The following F13A1 variants were observed in gnomAD, a reference collection of about 807,000 sequenced individuals.
F13A1 encodes the protein coagulation factor XIII A chain.
In F13A1, 47 loss-of-function variants were observed where a neutral mutation model predicts 80.1. The ratio of observed to expected loss-of-function variants is 0.59; its 90% CI spans 0.46 to 0.75. The LOEUF is 0.75. F13A1 is among the 30% of genes least tolerant of loss of function. F13A1 has a pLI of 0.00. For synonymous variants in F13A1, 349 were observed against 344.9 expected (o/e 1.01, Z -0.13); for missense variants, 817 against 930.4 (o/e 0.88, Z 1.59).
At chr6:6,257,420 C>T (rs75030561) in intron 4 of F13A1, among the ~76,000 whole-genome samples, 1,633 of 152,178 alleles carry the variant, frequency 0.011, 27 homozygotes, top group African/African-American at 0.037. Context: ...ACTCCAGAGA[C>T]GTTGCTTGCC....
intron 3 of F13A1, among the ~76,000 whole-genome samples, chr6:6,291,282 C>T (rs1426846472): frequency 2.0e-5 from 3 of 152,062 alleles, no homozygotes; most frequent in African/African-American, 7.2e-5. Flanking sequence ...CTCCTCCAGT[C>T]CCTCCTGAAT....
chr6:6,180,206 C>G (rs966637880), intron 11 of F13A1, among the ~76,000 whole-genome samples: 1 of 152,226 alleles, frequency 6.6e-6, no homozygotes, highest in African/African-American at 2.4e-5. Context: ...CCAGCTTCAT[C>G]TGCCAATTCT....
In F13A1 at chr6:6,294,713, CT is replaced by C. The variant is rs373278722; in HGVS notation, c.319+10637del. On this transcript the variant is annotated intron_variant, in intron 3 of 14. Coordinates refer to ENST00000264870, the MANE Select transcript of F13A1 (RefSeq NM_000129.4). Reference sequence around the variant, plus strand: ...TCTTAAAGATGTACTGGTAGAGATTCTTTTTTTTTTAGTCTTTTTTTAAAAA... The same window carrying C: ...TCTTAAAGATGTACTGGTAGAGATTCTTTTTTTTTAGTCTTTTTTTAAAAA... 4.4e-4 allele frequency among the ~76,000 whole-genome samples: 54 copies of C among 123,670 alleles called. 1 individual carries two copies. The East Asian group carries it at 6.6e-3, about 15-fold the overall frequency. The allele number at this position is 123,670 out of a possible 152,430, so 81.1% of individuals were successfully genotyped here. A position where few individuals can be genotyped will look rare whatever the true frequency, so the allele number is the denominator to read the frequency against.
chr6:6,256,643 G>C (rs12528043), intron 4 of F13A1, among the ~76,000 whole-genome samples: 12,881 of 152,120 alleles, frequency 0.085, 656 homozygotes, highest in Non-Finnish European at 0.11. Flanking sequence ...AGAAAATTTG[G>C]GGTGGATTTC....
intron 10 of F13A1, among the ~76,000 whole-genome samples, chr6:6,184,065 T>C (rs1015005354): frequency 2.0e-5 from 3 of 152,250 alleles, no homozygotes; most frequent in African/African-American, 7.2e-5. Context: ...TGAGTGCACA[T>C]GAAGTCGGAT....
rs964021137 is a variant in F13A1, at chr6:6,182,376, C to G, written c.1306-235G>C. ...ATTTGAGGCTGAGATAATAAACTGT[C>G]TAAGAAGCAACCATTTTTCTCCCTC... On this transcript the variant is annotated intron_variant, in intron 10 of 14. Transcript: ENST00000264870. 2.6e-5 allele frequency among the ~76,000 whole-genome samples: 4 copies of G among 152,294 alleles called. 1 individual carries two copies. The highest frequency in any genetic ancestry group is 2.6e-4 in the Admixed American group (4 of 15,308).
rs1394875471 is a variant in F13A1 at position 6,289,541 on chromosome 6, TGCA to T, written c.319+15807_319+15809del. Among the ~76,000 whole-genome samples the T allele has an allele frequency of 2.0e-5, 3 of 152,176 alleles. No homozygotes were observed. The East Asian group carries it at 5.8e-4, about 29-fold the overall frequency. ...GGAGGGGAAAAATCATACAAACTCA[TGCA>T]GCATCCATTTATCCTATCATTTATT... On this transcript the variant is annotated intron_variant, in intron 3 of 14. Coordinates refer to ENST00000264870, the MANE Select transcript of F13A1 (RefSeq NM_000129.4).
At chr6:6,153,046 T>A (rs1760406038) in intron 13 of F13A1, among the ~76,000 whole-genome samples, 1 of 152,248 alleles carries the variant, frequency 6.6e-6, no homozygotes, top group South Asian at 2.1e-4. Flanking sequence ...CTGGGTAGTT[T>A]GTCTTATTCA....
intron 10 of F13A1, among the ~76,000 whole-genome samples, chr6:6,194,473 C>A (rs1422323796): frequency 6.6e-6 from 1 of 152,194 alleles, no homozygotes; most frequent in Non-Finnish European, 1.5e-5. Flanking sequence ...TGTGGTCCCA[C>A]AGTTCTCTGC....
intron 4 of F13A1, among the ~76,000 whole-genome samples, chr6:6,264,997 A>G (rs530551496): frequency 2.6e-5 from 4 of 152,216 alleles, no homozygotes; most frequent in Non-Finnish European, 5.9e-5. Context: ...ATGGTGGTTC[A>G]TGACTGTAAT....
chr6:6,263,656 A>G (rs1341906887), intron 4 of F13A1, among the ~76,000 whole-genome samples: 1 of 152,196 alleles, frequency 6.6e-6, no homozygotes, highest in East Asian at 1.9e-4. Context: ...TGTCTCATAG[A>G]CATCACCAAA....
chr6:6,248,216 G>A (rs1757579927), intron 6 of F13A1, 96 bp downstream of exon 6: 17 of 977,200 alleles, frequency 1.7e-5, no homozygotes, highest in Middle Eastern at 4.1e-4. Context: ...TTTATTAAGT[G>A]TAAGTCATCA....
intron 2 of F13A1, among the ~76,000 whole-genome samples, chr6:6,314,064 C>T (rs1440793804): frequency 1.3e-5 from 2 of 150,108 alleles, no homozygotes; most frequent in Non-Finnish European, 2.9e-5. Flanking sequence ...TCACTGCAAC[C>T]TCCACCTCCC....
intron 6 of F13A1, among the ~76,000 whole-genome samples, chr6:6,236,613 C>T (rs1446031524): frequency 6.6e-6 from 1 of 152,068 alleles, no homozygotes; most frequent in Non-Finnish European, 1.5e-5. Flanking sequence ...GGGTACTTTT[C>T]TCCTCTGTGT....
intron 3 of F13A1, among the ~76,000 whole-genome samples, chr6:6,304,046 T>TA (rs1758474323): frequency 6.6e-6 from 1 of 152,200 alleles, no homozygotes; most frequent in Admixed American, 6.5e-5. Flanking sequence ...ATAGCAGATG[T>TA]ATCTCTTACA....
intron 8 of F13A1, among the ~76,000 whole-genome samples, chr6:6,209,398 G>A (rs1761560601): frequency 6.6e-6 from 1 of 151,576 alleles, no homozygotes; most frequent in South Asian, 2.1e-4. Context: ...ATTGCTAGTG[G>A]GAATACAGAA....
intron 4 of F13A1, among the ~76,000 whole-genome samples, chr6:6,257,966 C>G (rs1757724977): frequency 6.6e-6 from 1 of 152,006 alleles, no homozygotes; most frequent in Non-Finnish European, 1.5e-5. Flanking sequence ...ATTTTTTTTC[C>G]CAGAGAAAGC....
In F13A1 at chr6:6,261,151, T is replaced by C. The variant is rs144387687; in HGVS notation, c.571+5407A>G. Among the ~76,000 whole-genome samples, 130 of 152,134 alleles carry C rather than the reference T, an allele frequency of 8.5e-4. No individual in the cohort carries two copies. The Middle Eastern group carries it at 0.027, about 32-fold the overall frequency. On this transcript the variant is annotated intron_variant, in intron 4 of 14. Transcript: ENST00000264870. ...GCCCAGCTAATTTTTGTATGTTTAG[T>C]AGAGATGGGGTTTCACCATGTTGAT...
At chr6:6,309,981 G>A (rs1276245564) in intron 2 of F13A1, among the ~76,000 whole-genome samples, 1 of 152,122 alleles carries the variant, frequency 6.6e-6, no homozygotes, top group Admixed American at 6.6e-5. Context: ...AGAAATATTC[G>A]AGTATTTCTT....
Sources: allele counts gnomAD v4.1 joint callset (sites outside exome capture counted in the v4.1 genomes callset), GRCh38; gene constraint gnomAD v4.1.1; transcripts MANE v1.5; gene names NCBI Gene and HGNC (gene_info 2026-07-23, HGNC 2026-07-21).